The following DIP2B variants were observed in gnomAD, a reference collection of about 807,000 sequenced individuals.
DIP2B encodes the protein DIP2 acetate--CoA ligase B (putative).
A neutral mutation model predicts 198.0 loss-of-function variants in DIP2B; 76 were observed. That is an observed-to-expected ratio of 0.38 (90% CI 0.32 to 0.46). The LOEUF (loss-of-function observed/expected upper bound fraction) is 0.46. Among genes scored for constraint, DIP2B ranks in the 20% least tolerant of loss-of-function variants. DIP2B has a pLI of 0.99. For synonymous variants in DIP2B, 701 were observed against 739.1 expected, an observed-to-expected ratio of 0.95 and a Z score of 0.84; for missense variants, 1,559 against 1,978.4, an observed-to-expected ratio of 0.79 and a Z score of 4.02.
chr12:50,511,658 G>A lies in DIP2B; in HGVS notation c.100+6418G>A, dbSNP rs528766093. On this transcript the variant is annotated intron_variant, in intron 1 of 37. Coordinates refer to ENST00000301180, the MANE Select transcript of DIP2B (RefSeq NM_173602.3). ...ATCTCTTAAAAAAATTTTTTTTAAAGTAGAAATGAGGCCAGGCGCAGTGGC... is the reference window on the plus strand; with the variant it reads ...ATCTCTTAAAAAAATTTTTTTTAAAATAGAAATGAGGCCAGGCGCAGTGGC... 2.4e-4 allele frequency among the ~76,000 whole-genome samples: 36 copies of A among 150,814 alleles called. No homozygotes were observed. The South Asian group carries it at 5.1e-3, about 22-fold the overall frequency.
intron 7 of DIP2B, among the ~76,000 whole-genome samples, chr12:50,677,413 A>G (rs1938965158): frequency 6.6e-6 from 1 of 152,104 alleles, no homozygotes; most frequent in South Asian, 2.1e-4. Flanking sequence ...TCAGGAGTTC[A>G]AGACCAGCCT....
chr12:50,702,779 T>A, intron 19 of DIP2B, among the ~76,000 whole-genome samples: 1 of 124,920 alleles, frequency 8.0e-6, no homozygotes, highest in African/African-American at 3.0e-5. Context: ...GGAGCAGCTA[T>A]CAGGTAGAAA....
chr12:50,600,864 G>A (rs956922352), intron 1 of DIP2B, among the ~76,000 whole-genome samples: 13 of 149,506 alleles, frequency 8.7e-5, no homozygotes, highest in African/African-American at 3.2e-4. Context: ...ACTCCTCCTG[G>A]TCTTACCACC....
At chr12:50,592,420 G>A (rs1214361291) in intron 1 of DIP2B, among the ~76,000 whole-genome samples, 1 of 152,138 alleles carries the variant, frequency 6.6e-6, no homozygotes, top group African/African-American at 2.4e-5. Context: ...GCCTCCTAAA[G>A]TGCTGGCATT....
intron 23 of DIP2B, among the ~76,000 whole-genome samples, chr12:50,716,667 T>G (rs1382101366): frequency 6.6e-6 from 1 of 152,244 alleles, no homozygotes; most frequent in Non-Finnish European, 1.5e-5. Flanking sequence ...CTCATCTGTT[T>G]CAGTATATTC....
At chr12:50,598,192 T>C (rs372510750) in intron 1 of DIP2B, among the ~76,000 whole-genome samples, 3 of 152,206 alleles carry the variant, frequency 2.0e-5, no homozygotes, top group East Asian at 1.9e-4. Context: ...CCAGGAATCC[T>C]GATCATTTAT....
intron 1 of DIP2B, among the ~76,000 whole-genome samples, chr12:50,534,653 C>T (rs1001336944): frequency 6.6e-6 from 1 of 152,162 alleles, no homozygotes; most frequent in African/African-American, 2.4e-5. Context: ...CGTGAGCCAC[C>T]ATGCCCGGCC....
intron 1 of DIP2B, among the ~76,000 whole-genome samples, chr12:50,526,672 T>C (rs1269006027): frequency 3.5e-5 from 5 of 143,550 alleles, no homozygotes; most frequent in African/African-American, 1.3e-4. Flanking sequence ...GTTTCACTCT[T>C]GTTGCCCAGG....
At chr12:50,534,394 A>G (rs1958245544) in intron 1 of DIP2B, among the ~76,000 whole-genome samples, 1 of 95,626 alleles carries the variant, frequency 1.0e-5, no homozygotes, top group South Asian at 3.2e-4. Flanking sequence ...TTTTTTTGAG[A>G]CGGAGTCTCA....
At chr12:50,655,077 G>A (rs1450287457) in intron 3 of DIP2B, 1 of 430,862 alleles carries the variant, frequency 2.3e-6, no homozygotes, top group Non-Finnish European at 4.6e-6. Flanking sequence ...ATTTGCAGGA[G>A]GCTATTTGTT....
chr12:50,513,869 G>A (rs1433995098), intron 1 of DIP2B, among the ~76,000 whole-genome samples: 1 of 90,378 alleles, frequency 1.1e-5, no homozygotes, highest in Non-Finnish European at 2.3e-5. Context: ...GTGGGACTCC[G>A]TCTCAAAAAA....
At chr12:50,556,251 C>T (rs1198606408) in intron 1 of DIP2B, among the ~76,000 whole-genome samples, 1 of 151,632 alleles carries the variant, frequency 6.6e-6, no homozygotes, top group Non-Finnish European at 1.5e-5. Context: ...AGTTTTACCA[C>T]ATTGGCCAGG....
At position 50,686,695 on chromosome 12, in the gene DIP2B, A is replaced by G. The variant is rs904656304; in HGVS notation, c.1551+13A>G. On this transcript the variant is annotated intron_variant, in intron 12 of 37. Coordinates refer to ENST00000301180, the MANE Select transcript of DIP2B (RefSeq NM_173602.3). ...GGCATACATTGAGGTAAGTCCTAAG[A>G]TGTAAAATATGCTTTCAGGCTTTTC... 5.0e-6 allele frequency: 8 copies of G among 1,607,628 alleles called. No homozygotes were observed. The highest frequency in any genetic ancestry group is 6.8e-6 in the Non-Finnish European group (8 of 1,177,006).
intron 1 of DIP2B, among the ~76,000 whole-genome samples, chr12:50,512,107 CTTTT>C (rs35584870): frequency 1.6e-5 from 2 of 122,266 alleles, no homozygotes; most frequent in Admixed American, 9.0e-5. Context: ...AATGTAAGCT[CTTTT>C]TTTTTTTTTT....
At chr12:50,534,324 C>T (rs919926268) in intron 1 of DIP2B, among the ~76,000 whole-genome samples, 2 of 149,156 alleles carry the variant, frequency 1.3e-5, no homozygotes, top group Non-Finnish European at 3.0e-5. Context: ...ACTTTCAAGA[C>T]TTTTGAAACC....
At chr12:50,619,622 G>A (rs145828111) in intron 1 of DIP2B, among the ~76,000 whole-genome samples, 2 of 152,266 alleles carry the variant, frequency 1.3e-5, no homozygotes, top group Admixed American at 6.5e-5. Flanking sequence ...TCTTCTCTGC[G>A]ACATAATTGT....
intron 3 of DIP2B, among the ~76,000 whole-genome samples, chr12:50,658,862 G>A (rs1266965227): frequency 1.3e-5 from 2 of 152,168 alleles, no homozygotes; most frequent in African/African-American, 4.8e-5. Flanking sequence ...GCCGAGGCGG[G>A]CAGATGACAA....
At chr12:50,635,181 C>G (rs1938135904) in intron 2 of DIP2B, among the ~76,000 whole-genome samples, 1 of 152,148 alleles carries the variant, frequency 6.6e-6, no homozygotes, top group Admixed American at 6.5e-5. Context: ...TTTTGTCTTA[C>G]TGTATTTGAG....
intron 1 of DIP2B, among the ~76,000 whole-genome samples, chr12:50,527,822 A>C (rs1958180387): frequency 6.6e-6 from 1 of 152,104 alleles, no homozygotes; most frequent in African/African-American, 2.4e-5. Context: ...GAAAATCACC[A>C]TTGTCAGAAG....
Sources: gnomAD v4.1 joint callset for allele counts (sites outside exome capture counted in the v4.1 genomes callset) on GRCh38, gnomAD v4.1.1 for gene constraint, MANE v1.5 for transcripts, NCBI Gene and HGNC (gene_info 2026-07-23, HGNC 2026-07-21) for gene names.